VWA5B1: variants seen among roughly 807,000 people sequenced by gnomAD.
VWA5B1 encodes von Willebrand factor A domain containing 5B1, also known as von Willebrand factor A domain-containing protein 5B1.
VWA5B1 carries 115 observed loss-of-function variants against 118.2 expected under a neutral mutation model. The observed-to-expected ratio is 0.97, with a 90% CI of 0.84 to 1.14. VWA5B1 has a LOEUF of 1.14. Among genes scored for constraint, VWA5B1 ranks in the 50% most tolerant of loss-of-function variants. The pLI is 0.00. For synonymous variants in VWA5B1, 682 were observed against 658.4 expected, an observed-to-expected ratio of 1.04 and a Z score of -0.55; for missense variants, 1,596 against 1,603.8, an observed-to-expected ratio of 1.00 and a Z score of 0.08.
intron 20 of VWA5B1, 62 bp from the exon 21 acceptor site, chr1:20,351,993 G>A (rs2090139435): frequency 7.5e-7 from 1 of 1,341,676 alleles, no homozygotes; most frequent in South Asian, 1.3e-5. Flanking sequence ...CTGACTTTCA[G>A]GGGCTTCTGG....
intron 2 of VWA5B1, among the ~76,000 whole-genome samples, chr1:20,311,376 C>T (rs2088843703): frequency 6.6e-6 from 1 of 152,226 alleles, no homozygotes; most frequent in Admixed American, 6.5e-5. Flanking sequence ...TCAGTCAAAG[C>T]CAGGAGCCTC....
chr1:20,341,838 G>A (rs919378989), intron 14 of VWA5B1, among the ~76,000 whole-genome samples: 6 of 152,184 alleles, frequency 3.9e-5, no homozygotes, highest in African/African-American at 1.4e-4. Context: ...TGGGATAGAG[G>A]TAGGAAACTG....
At chr1:20,319,606 AG>A (rs1225323438) in intron 7 of VWA5B1, 100 bp downstream of exon 7, 1 of 1,482,220 alleles carries the variant, frequency 6.7e-7, no homozygotes, top group Admixed American at 2.1e-5. Flanking sequence ...AACCTGCCCG[AG>A]GTCATCCAGC....
chr1:20,330,665 G>A (rs1388207392), intron 10 of VWA5B1, among the ~76,000 whole-genome samples: 3 of 152,322 alleles, frequency 2.0e-5, no homozygotes, highest in East Asian at 3.9e-4. Context: ...GTGCTGGGTG[G>A]GAATTAATGG....
intron 21 of VWA5B1, among the ~76,000 whole-genome samples, chr1:20,352,670 G>A (rs2090153050): frequency 3.3e-5 from 5 of 152,160 alleles, no homozygotes. Flanking sequence ...AAGGAGCAAG[G>A]GAGACTGGCC....
chr1:20,333,855 T>A (rs547265999), intron 12 of VWA5B1, among the ~76,000 whole-genome samples: 1 of 152,362 alleles, frequency 6.6e-6, no homozygotes, highest in African/African-American at 2.4e-5. Flanking sequence ...GGATTTCTCA[T>A]CTTGTTTTGT....
intron 1 of VWA5B1, among the ~76,000 whole-genome samples, chr1:20,295,428 T>A (rs1350375497): frequency 6.6e-6 from 1 of 152,046 alleles, no homozygotes; most frequent in Non-Finnish European, 1.5e-5. Context: ...GAAGACAAAT[T>A]AACAAGCCTG....
intron 14 of VWA5B1, among the ~76,000 whole-genome samples, chr1:20,340,632 G>GAT (rs953632651): frequency 7.9e-5 from 12 of 152,174 alleles, no homozygotes; most frequent in African/African-American, 9.7e-5. Context: ...CCTACCAGGG[G>GAT]ATATATATGG....
chr1:20,297,663 C>T (rs1446496968), intron 1 of VWA5B1, among the ~76,000 whole-genome samples: 1 of 152,232 alleles, frequency 6.6e-6, no homozygotes, highest in Non-Finnish European at 1.5e-5. Flanking sequence ...TCTTAGCCCT[C>T]TTTCTCTGAC....
At chr1:20,306,415 C>G (rs10916756) in intron 1 of VWA5B1, among the ~76,000 whole-genome samples, 1 of 151,996 alleles carries the variant, frequency 6.6e-6, no homozygotes, top group Non-Finnish European at 1.5e-5. Flanking sequence ...CTTCAAAGGA[C>G]GACTCTGACT....
chr1:20,325,985 G>A (rs1404114050), intron 8 of VWA5B1, among the ~76,000 whole-genome samples: 1 of 152,134 alleles, frequency 6.6e-6, no homozygotes, highest in Non-Finnish European at 1.5e-5. Context: ...CCTGCAGCTG[G>A]TCTCATTCTT....
chr1:20,316,100 A>T (rs1279539824), intron 4 of VWA5B1, among the ~76,000 whole-genome samples: 1 of 152,222 alleles, frequency 6.6e-6, no homozygotes, highest in African/African-American at 2.4e-5. Flanking sequence ...AGGAGCTCAG[A>T]TAGAGTGACA....
At chr1:20,333,013 C>G (rs1279925092) in intron 12 of VWA5B1, 62 bp downstream of exon 12, 1 of 1,518,446 alleles carries the variant, frequency 6.6e-7, no homozygotes, top group Non-Finnish European at 8.9e-7. Flanking sequence ...ACAAATCAGC[C>G]TTAGCTGGAA....
Position 20,356,916 on chromosome 1 carries a change from G to A in VWA5B1, c.*2653G>A, listed in dbSNP as rs112654896. On this transcript the variant is annotated 3_prime_UTR_variant, in exon 22 of 22. Coordinates refer to ENST00000289815, the MANE Select transcript of VWA5B1 (RefSeq NM_001039500.3). ...GCTAGGCAGAGGACCTAGGGGACTCGCTTTAAGGAAAAGATAAGAACCTTT... is the reference window on the plus strand; with the variant it reads ...GCTAGGCAGAGGACCTAGGGGACTCACTTTAAGGAAAAGATAAGAACCTTT... Among the ~76,000 whole-genome samples, 73 of 152,316 alleles carry A rather than the reference G, an allele frequency of 4.8e-4. No homozygotes were observed. The highest frequency in any genetic ancestry group is 1.6e-3 in the African/African-American group (67 of 41,566).
intron 16 of VWA5B1, among the ~76,000 whole-genome samples, chr1:20,343,878 G>A (rs2100994482): frequency 1.4e-5 from 1 of 71,878 alleles, no homozygotes; most frequent in East Asian, 4.2e-4. Flanking sequence ...TCCAGGCTCC[G>A]CCCCCTCCCC....
intron 2 of VWA5B1, 32 bp from the exon 3 acceptor site, chr1:20,312,804 G>C (rs763670666): frequency 7.1e-5 from 108 of 1,529,566 alleles, no homozygotes; most frequent in Non-Finnish European, 3.1e-5. Context: ...TAGGCCTGGG[G>C]CACCCCGTGA....
chr1:20,332,688 T>A (rs2089604897), intron 11 of VWA5B1, 78 bp from the exon 12 acceptor site: 1 of 1,476,874 alleles, frequency 6.8e-7, no homozygotes, highest in African/African-American at 1.4e-5. Context: ...CACTCCCCAC[T>A]AAGCTGATAC....
At chr1:20,312,792 G>A (rs1324460710) in intron 2 of VWA5B1, 44 bp from the exon 3 acceptor site, 1 of 1,520,236 alleles carries the variant, frequency 6.6e-7, no homozygotes. Context: ...GGGTGTGCAG[G>A]GTAGGCCTGG....
intron 1 of VWA5B1, among the ~76,000 whole-genome samples, chr1:20,307,904 G>A (rs1041301778): frequency 6.6e-6 from 1 of 151,632 alleles, no homozygotes; most frequent in African/African-American, 2.4e-5. Flanking sequence ...AGATTTAGGG[G>A]GTACATATAC....
Sources: gnomAD v4.1 joint callset for allele counts (sites outside exome capture counted in the v4.1 genomes callset) on GRCh38, gnomAD v4.1.1 for gene constraint, MANE v1.5 for transcripts, NCBI Gene and HGNC (gene_info 2026-07-23, HGNC 2026-07-21) for gene names.